Variants in KDM4C observed in about 807,000 individuals in gnomAD.
KDM4C encodes lysine demethylase 4C, also known as lysine-specific demethylase 4C.
A neutral mutation model predicts 129.3 loss-of-function variants in KDM4C; 81 were observed. That is an observed-to-expected ratio of 0.63 (90% confidence interval 0.52 to 0.75). KDM4C has a LOEUF of 0.75. Ranked by LOEUF, KDM4C falls within the 30% of genes least tolerant of loss-of-function variation. KDM4C has a pLI of 0.00. For synonymous variants in KDM4C, 573 were observed against 456.1 expected, an observed-to-expected ratio of 1.26 and a Z score of -3.26; for missense variants, 1,457 against 1,304.0, an observed-to-expected ratio of 1.12 and a Z score of -1.81.
At chr9:6,927,635 C>T (rs1014179334) in intron 8 of KDM4C, among the ~76,000 whole-genome samples, 5 of 152,172 alleles carry the variant, frequency 3.3e-5, no homozygotes, top group Non-Finnish European at 7.3e-5. Context: ...AGGGACCACA[C>T]GAAACTGCTG....
chr9:6,858,719 C>T (rs577835500), intron 5 of KDM4C, among the ~76,000 whole-genome samples: 3 of 151,862 alleles, frequency 2.0e-5, no homozygotes, highest in African/African-American at 7.3e-5. Flanking sequence ...TTTCAGTGAG[C>T]CAACATCGTG....
intron 4 of KDM4C, among the ~76,000 whole-genome samples, chr9:6,827,002 A>T (rs529151640): frequency 6.6e-6 from 1 of 152,168 alleles, no homozygotes; most frequent in South Asian, 2.1e-4. Flanking sequence ...ACAGCTCCTG[A>T]TCTTGTGTTG....
intron 8 of KDM4C, among the ~76,000 whole-genome samples, chr9:6,932,780 G>T (rs939626073): frequency 1.3e-5 from 2 of 152,182 alleles, no homozygotes; most frequent in Non-Finnish European, 2.9e-5. Context: ...TGCATGATGG[G>T]GGAGGTGCCA....
At chr9:6,836,122 T>C (rs2129641817) in intron 4 of KDM4C, among the ~76,000 whole-genome samples, 1 of 152,264 alleles carries the variant, frequency 6.6e-6, no homozygotes, top group East Asian at 1.9e-4. Flanking sequence ...GGCTTACCTG[T>C]ACACTGACTT....
intron 1 of KDM4C, among the ~76,000 whole-genome samples, chr9:6,779,781 T>A (rs1823918107): frequency 6.6e-6 from 1 of 152,198 alleles, no homozygotes; most frequent in Non-Finnish European, 1.5e-5. Flanking sequence ...TATAAACTGA[T>A]GACAATGGCA....
intron 8 of KDM4C, among the ~76,000 whole-genome samples, chr9:6,915,845 G>T (rs1046139257): frequency 1.3e-5 from 2 of 152,160 alleles, no homozygotes; most frequent in African/African-American, 4.8e-5. Flanking sequence ...TCAGGTTGCA[G>T]TTTGCCATCA....
chr9:6,787,642 C>G (rs1364277955), intron 1 of KDM4C, among the ~76,000 whole-genome samples: 1 of 152,236 alleles, frequency 6.6e-6, no homozygotes, highest in African/African-American at 2.4e-5. Flanking sequence ...CTGAGCATTT[C>G]CCTCTGCCCA....
intron 15 of KDM4C, among the ~76,000 whole-genome samples, chr9:7,023,978 A>T (rs886351081): frequency 1.3e-5 from 2 of 152,060 alleles, no homozygotes; most frequent in African/African-American, 4.8e-5. Flanking sequence ...TTTTTATTCC[A>T]TTGTGGTCAA....
chr9:6,839,671 CCGAGGCAGGAGG>C, intron 4 of KDM4C, among the ~76,000 whole-genome samples: 1 of 152,164 alleles, frequency 6.6e-6, no homozygotes, highest in South Asian at 2.1e-4. Flanking sequence ...CTTTTGGAGG[CCGAGGCAGGAGG>C]ATCACTTGAG....
At chr9:6,900,908 A>G (rs1383374536) in intron 8 of KDM4C, among the ~76,000 whole-genome samples, 2 of 151,848 alleles carry the variant, frequency 1.3e-5, no homozygotes, top group East Asian at 1.9e-4. Context: ...ACCTATCTCA[A>G]TGTATGTTTG....
At chr9:6,961,661 C>G (rs960733639) in intron 8 of KDM4C, among the ~76,000 whole-genome samples, 3 of 152,064 alleles carry the variant, frequency 2.0e-5, no homozygotes, top group Admixed American at 6.6e-5. Flanking sequence ...TCCTTGTTAT[C>G]AAAATTCAAA....
At chr9:7,084,086 G>A (rs1357622787) in intron 17 of KDM4C, among the ~76,000 whole-genome samples, 1 of 152,144 alleles carries the variant, frequency 6.6e-6, no homozygotes, top group East Asian at 1.9e-4. Flanking sequence ...TGAAAATAAG[G>A]AATTTAATGG....
chr9:6,755,215 C>T (rs1450302226), upstream of KDM4C, among the ~76,000 whole-genome samples: 1 of 151,992 alleles, frequency 6.6e-6, no homozygotes, highest in East Asian at 1.9e-4. Flanking sequence ...ACTTAAAATA[C>T]AAAAAATTAG....
At chr9:6,958,359 T>C (rs999879809) in intron 8 of KDM4C, among the ~76,000 whole-genome samples, 1 of 151,768 alleles carries the variant, frequency 6.6e-6, no homozygotes, top group African/African-American at 2.4e-5. Context: ...CCAAGATGAG[T>C]GGATTATCTG....
At chr9:6,734,023 C>G (rs1050170053) in intron 1 of KDM4C, among the ~76,000 whole-genome samples, 3 of 152,140 alleles carry the variant, frequency 2.0e-5, no homozygotes, top group Admixed American at 6.6e-5. Context: ...ATATCTTGTG[C>G]TGACCTCCTA....
At chr9:7,109,771 C>G (rs1013143297) in intron 18 of KDM4C, among the ~76,000 whole-genome samples, 3 of 152,160 alleles carry the variant, frequency 2.0e-5, no homozygotes, top group Non-Finnish European at 4.4e-5. Flanking sequence ...GGAGCCTCTT[C>G]TAGGTGACTG....
At chr9:7,045,984 C>G (rs547281503) in intron 15 of KDM4C, among the ~76,000 whole-genome samples, 22 of 152,032 alleles carry the variant, frequency 1.4e-4, no homozygotes, top group African/African-American at 4.6e-4. Flanking sequence ...CGTATATAAA[C>G]TTTGGAGGAA....
At chr9:7,086,942 A>T (rs1232886439) in intron 17 of KDM4C, among the ~76,000 whole-genome samples, 1 of 152,054 alleles carries the variant, frequency 6.6e-6, no homozygotes, top group Non-Finnish European at 1.5e-5. Flanking sequence ...GTGATCCTCC[A>T]TGCGTCTCTG....
At chr9:6,757,759 C>T, upstream of KDM4C, 7 of 985,646 alleles carry the variant, frequency 7.1e-6, no homozygotes, top group Non-Finnish European at 8.4e-6. Context: ...TTTTCTCCTT[C>T]TACGCGAGTA....
Sources: gnomAD v4.1 joint callset for allele counts (sites outside exome capture counted in the v4.1 genomes callset) on GRCh38, gnomAD v4.1.1 for gene constraint, MANE v1.5 for transcripts, NCBI Gene and HGNC (gene_info 2026-07-23, HGNC 2026-07-21) for gene names.